Variants in CDH12 observed in about 807,000 individuals in gnomAD.
The protein encoded by CDH12 is cadherin 12, also known as cadherin-12.
In CDH12, 41 loss-of-function variants were observed where a neutral mutation model predicts 74.1. That is an observed-to-expected ratio of 0.55 (90% confidence interval 0.43 to 0.72). The LOEUF is 0.72. Among genes scored for constraint, CDH12 ranks in the 30% least tolerant of loss-of-function variants. The probability of loss-of-function intolerance (pLI) is 0.00; values close to 1 mark genes in which losing one functional copy is unlikely to be tolerated. For missense variants in CDH12, 945 were observed against 977.2 expected, an observed-to-expected ratio of 0.97 and a Z score of 0.44; for synonymous variants, 399 against 355.0, an observed-to-expected ratio of 1.12 and a Z score of -1.39.
chr5:22,059,252 A>ACTCT (rs1335586991), intron 5 of CDH12, among the ~76,000 whole-genome samples: 1 of 114,942 alleles, frequency 8.7e-6, no homozygotes, highest in African/African-American at 3.3e-5. Flanking sequence ...TTTTCCTTGT[A>ACTCT]CTCTATCTAT....
At chr5:22,611,775 G>A (rs1303450903) in intron 1 of CDH12, among the ~76,000 whole-genome samples, 1 of 152,072 alleles carries the variant, frequency 6.6e-6, no homozygotes, top group Non-Finnish European at 1.5e-5. Context: ...TTGGAAACTA[G>A]AGAACAACAG....
chr5:22,528,442 T>G (rs571576710), intron 1 of CDH12, among the ~76,000 whole-genome samples: 15 of 152,228 alleles, frequency 9.9e-5, no homozygotes, highest in African/African-American at 3.1e-4. Context: ...CTTTTAACAT[T>G]AGACAGCCTG....
chr5:22,422,476 G>A (rs146488002), intron 2 of CDH12, among the ~76,000 whole-genome samples: 31 of 152,148 alleles, frequency 2.0e-4, no homozygotes, highest in East Asian at 7.7e-4. Flanking sequence ...CGGTTTGCCA[G>A]TATTTTTTTG....
At chr5:22,345,929 T>C (rs2150459558) in intron 3 of CDH12, among the ~76,000 whole-genome samples, 1 of 151,902 alleles carries the variant, frequency 6.6e-6, no homozygotes, top group South Asian at 2.1e-4. Context: ...CGTAGTGAAA[T>C]CCTGTCTTTA....
intron 8 of CDH12, among the ~76,000 whole-genome samples, chr5:21,822,811 A>C (rs557061271): frequency 9.4e-4 from 143 of 152,270 alleles, no homozygotes; most frequent in South Asian, 2.5e-3. Flanking sequence ...TGCCATGCAC[A>C]CAATATCCGT....
chr5:21,992,838 T>C (rs1265414044), intron 5 of CDH12, among the ~76,000 whole-genome samples: 1 of 152,156 alleles, frequency 6.6e-6, no homozygotes, highest in African/African-American at 2.4e-5. Flanking sequence ...CACTCTGCTG[T>C]AAAGAATTAC....
At chr5:21,955,759 G>A (rs191478056) in intron 6 of CDH12, among the ~76,000 whole-genome samples, 8 of 152,104 alleles carry the variant, frequency 5.3e-5, no homozygotes, top group African/African-American at 1.7e-4. Flanking sequence ...CTAAAGCAGT[G>A]GTAGCTTGGA....
chr5:21,895,317 C>A (rs937111826), intron 6 of CDH12, among the ~76,000 whole-genome samples: 1 of 152,130 alleles, frequency 6.6e-6, no homozygotes, highest in African/African-American at 2.4e-5. Flanking sequence ...ATAAATGTAG[C>A]AAATATGGGC....
intron 2 of CDH12, among the ~76,000 whole-genome samples, chr5:22,480,175 G>C (rs1746329271): frequency 6.6e-6 from 1 of 151,910 alleles, no homozygotes; most frequent in African/African-American, 2.4e-5. Context: ...TAATTTTGCT[G>C]TTGTTGCCTC....
chr5:22,512,163 G>C (rs1249111309), intron 1 of CDH12, among the ~76,000 whole-genome samples: 1 of 152,112 alleles, frequency 6.6e-6, no homozygotes, highest in African/African-American at 2.4e-5. Flanking sequence ...GTGAGCCAGA[G>C]TCACGAACTT....
chr5:21,847,225 C>A (rs993685921), intron 7 of CDH12, among the ~76,000 whole-genome samples: 5 of 152,100 alleles, frequency 3.3e-5, no homozygotes, highest in Admixed American at 2.0e-4. Flanking sequence ...TCTTCCCCAG[C>A]CAGAAATGTT....
intron 1 of CDH12, among the ~76,000 whole-genome samples, chr5:22,689,701 T>C (rs951053510): frequency 6.6e-6 from 1 of 152,156 alleles, no homozygotes; most frequent in Non-Finnish European, 1.5e-5. Flanking sequence ...ATCTTAGTTT[T>C]TAAATATTCA....
At chr5:22,588,229 C>T (rs1460848992) in intron 1 of CDH12, among the ~76,000 whole-genome samples, 1 of 151,792 alleles carries the variant, frequency 6.6e-6, no homozygotes, top group Non-Finnish European at 1.5e-5. Flanking sequence ...AATTGTAATA[C>T]TTAAAACACA....
intron 1 of CDH12, among the ~76,000 whole-genome samples, chr5:22,685,602 G>C (rs1196047459): frequency 1.3e-5 from 2 of 152,088 alleles, no homozygotes; most frequent in Non-Finnish European, 2.9e-5. Flanking sequence ...TTTGTTTTCT[G>C]TTTCTATCCA....
intron 3 of CDH12, among the ~76,000 whole-genome samples, chr5:22,317,742 C>T (rs1738692260): frequency 6.6e-6 from 1 of 152,120 alleles, no homozygotes; most frequent in African/African-American, 2.4e-5. Context: ...ATAAATGGCA[C>T]TAATAATAGC....
intron 10 of CDH12, among the ~76,000 whole-genome samples, chr5:21,787,624 T>C (rs1450741653): frequency 6.6e-6 from 1 of 152,184 alleles, no homozygotes; most frequent in Non-Finnish European, 1.5e-5. Context: ...GGTATATCTG[T>C]AATTGATTTC....
intron 4 of CDH12, among the ~76,000 whole-genome samples, chr5:22,159,651 A>G (rs1748213647): frequency 6.6e-6 from 1 of 152,184 alleles, no homozygotes; most frequent in Non-Finnish European, 1.5e-5. Context: ...TAAATACTCA[A>G]TAACTACCAC....
chr5:21,938,248 GTA>G (rs1171658472), intron 6 of CDH12, among the ~76,000 whole-genome samples: 1 of 151,940 alleles, frequency 6.6e-6, no homozygotes, highest in African/African-American at 2.4e-5. Flanking sequence ...CTACTGTTTT[GTA>G]TAAGTTGAGG....
At chr5:22,367,238 A>T (rs1388397194) in intron 3 of CDH12, among the ~76,000 whole-genome samples, 1 of 152,108 alleles carries the variant, frequency 6.6e-6, no homozygotes, top group Non-Finnish European at 1.5e-5. Context: ...ATCTAATGGA[A>T]CTCATTCTGT....
Sources: allele counts gnomAD v4.1 joint callset (sites outside exome capture counted in the v4.1 genomes callset), GRCh38; gene constraint gnomAD v4.1.1; transcripts MANE v1.5; gene names NCBI Gene and HGNC (gene_info 2026-07-23, HGNC 2026-07-21).